The following NMT2 variants were observed in gnomAD, a reference collection of about 807,000 sequenced individuals.
NMT2 encodes N-myristoyltransferase 2, also known as glycylpeptide N-tetradecanoyltransferase 2.
NMT2 carries 35 observed loss-of-function variants against 65.4 expected under a neutral mutation model. The observed-to-expected ratio is 0.54, with a 90% CI of 0.41 to 0.71. NMT2 has a LOEUF of 0.71. Ranked by LOEUF, NMT2 falls within the 30% of genes least tolerant of loss-of-function variation. NMT2 has a pLI of 0.00. For synonymous variants in NMT2, 226 were observed against 231.8 expected, an observed-to-expected ratio of 0.98 and a Z score of 0.23; for missense variants, 489 against 611.3, an observed-to-expected ratio of 0.80 and a Z score of 2.11.
At chr10:15,118,094 T>C (rs1845802700) in intron 9 of NMT2, among the ~76,000 whole-genome samples, 1 of 152,206 alleles carries the variant, frequency 6.6e-6, no homozygotes, top group African/African-American at 2.4e-5. Flanking sequence ...GTGGGAGGAA[T>C]TACTCTACCT....
At chr10:15,136,045 C>T (rs1448073220) in intron 2 of NMT2, among the ~76,000 whole-genome samples, 2 of 151,924 alleles carry the variant, frequency 1.3e-5, no homozygotes, top group Admixed American at 6.6e-5. Flanking sequence ...CTGGCCAACA[C>T]GGTGAAACCT....
rs541388202 is a variant in NMT2, at chr10:15,147,069, G to A, written c.111-5512C>T. ...GTTTGCACCACTCCATTCCAGCTGGGCAACAGCGAAAGATCCTCTCGCTCT... is the reference window on the plus strand; with the variant it reads ...GTTTGCACCACTCCATTCCAGCTGGACAACAGCGAAAGATCCTCTCGCTCT... On this transcript the variant is annotated intron_variant, in intron 1 of 11. Coordinates refer to ENST00000378165, the MANE Select transcript of NMT2 (RefSeq NM_004808.3). Among the ~76,000 whole-genome samples the A allele has an allele frequency of 2.5e-5, 3 of 118,174 alleles. No homozygotes were observed. The East Asian group carries it at 8.1e-4, about 32-fold the overall frequency. 77.5% of individuals were successfully genotyped at this position (118,174 alleles called of 152,430 possible).
intron 1 of NMT2, among the ~76,000 whole-genome samples, chr10:15,153,691 C>T (rs1351000273): frequency 1.3e-5 from 2 of 151,994 alleles, no homozygotes; most frequent in Non-Finnish European, 2.9e-5. Flanking sequence ...CGTTCTGTCG[C>T]CCAGGCTGGA....
chr10:15,142,422 T>C (rs890191076), intron 1 of NMT2, among the ~76,000 whole-genome samples: 1 of 151,364 alleles, frequency 6.6e-6, no homozygotes, highest in African/African-American at 2.4e-5. Context: ...ATTAGCCAGG[T>C]ACAGTGGCAC....
In NMT2 at chr10:15,139,250, C is replaced by CTCTATCTATCTA. The variant is rs148766759; in HGVS notation, c.246+2160_246+2171dup. 3.6e-3 allele frequency among the ~76,000 whole-genome samples: 534 copies of CTCTATCTATCTA among 146,890 alleles called. 3 individuals carry two copies. Among genetic ancestry groups the CTCTATCTATCTA allele is most frequent in the Non-Finnish European group, 3.9e-3 (260 of 66,514 alleles). On this transcript the variant is annotated intron_variant, in intron 2 of 11. Transcript: ENST00000378165. ...GTGAATTAATACTTAATAAACTCCC[C>CTCTATCTATCTA]TCTATCTATCTATCTATCTATCTAT...
chr10:15,109,821 T>C lies in NMT2; in HGVS notation c.1357A>G (p.Asn453Asp). 2 of 1,608,272 alleles carry C rather than the reference T, an allele frequency of 1.2e-6. No homozygotes were observed. The highest frequency in any genetic ancestry group is 1.3e-5 in the African/African-American group (1 of 74,706). Residue 453 changes from asparagine (N) to aspartate (D), a missense_variant, in exon 11 of 12, where the codon AAT becomes GAT. Transcript: ENST00000378165. The part of the protein sequence containing the change: ...LAKSKGFDVF[N>D]ALDLMENKTF... ...TTATTTTCCATCAAATCCAGTGCAT[T>C]GAATACATCAAATCCTTTCTGCCAA... is the stretch of plus-strand genomic sequence containing the variant.
In NMT2 at chr10:15,168,575, C is replaced by G; in HGVS notation, c.38G>C (p.Ser13Thr). 1.3e-6 allele frequency: 2 copies of G among 1,589,524 alleles called. No homozygotes were observed. The highest frequency in any genetic ancestry group is 1.7e-6 in the Non-Finnish European group (2 of 1,171,436). Residue 13 changes from serine (S) to threonine (T), a missense_variant, in exon 1 of 12, where the codon AGC becomes ACC. By Grantham distance (58) the Ser-to-Thr change is moderately conservative. Coordinates refer to ENST00000378165, the MANE Select transcript of NMT2 (RefSeq NM_004808.3). ...EDSESAASQQ[S>T]LELDDQDTCG... ...CGTGTCCTGGTCGTCCAGTTCCAGG[C>G]TCTGCTGGCTGGCCGCAGACTCGCT...
At position 15,168,172 on chromosome 10, in the gene NMT2, C is replaced by A. The variant is rs544822406; in HGVS notation, c.110+331G>T. Among the ~76,000 whole-genome samples the A allele has an allele frequency of 4.6e-3, 696 of 152,270 alleles. 2 individuals are homozygous for A. The highest frequency in any genetic ancestry group is 7.3e-3 in the Non-Finnish European group (498 of 68,008). On this transcript the variant is annotated intron_variant, in intron 1 of 11. Transcript: ENST00000378165. ...CGCCTCTCCTCGGCGCCCACCGGAG[C>A]CACCCGCGGGCGAGGGCAACAGGCG... is the stretch of plus-strand genomic sequence containing the variant.
In NMT2 at chr10:15,109,858, TTTAAAA is replaced by T. The variant is rs780288040; in HGVS notation, c.1339-25_1339-20del. ...ATCCTTTCTGCCAATTTAAAAAAGATTTAAAATTTAAAACAAAGGACTAGTGTTTTC... is the reference window on the plus strand; with the variant it reads ...ATCCTTTCTGCCAATTTAAAAAAGATTTTAAAACAAAGGACTAGTGTTTTC... On this transcript the variant is annotated intron_variant, in intron 10 of 11. Coordinates refer to ENST00000378165, the MANE Select transcript of NMT2 (RefSeq NM_004808.3). 6.3e-7 allele frequency: 1 copy of T among 1,584,744 alleles called. No individual in the cohort carries two copies. Among genetic ancestry groups the T allele is most frequent in the Admixed American group, 1.8e-5 (1 of 54,672 alleles).
intron 10 of NMT2, among the ~76,000 whole-genome samples, chr10:15,111,189 G>T (rs1845500661): frequency 6.6e-6 from 1 of 152,054 alleles, no homozygotes; most frequent in Non-Finnish European, 1.5e-5. Flanking sequence ...TGAAGCTATT[G>T]CCCAGGGACC....
intron 1 of NMT2, among the ~76,000 whole-genome samples, chr10:15,158,734 C>T (rs1299075719): frequency 6.6e-6 from 1 of 152,146 alleles, no homozygotes; most frequent in Admixed American, 6.5e-5. Flanking sequence ...AGACTGATTA[C>T]TTAAAGAAAA....
chr10:15,167,432 G>T (rs1374023983), intron 1 of NMT2, among the ~76,000 whole-genome samples: 2 of 152,064 alleles, frequency 1.3e-5, no homozygotes, highest in African/African-American at 4.8e-5. Flanking sequence ...ATCTCTCTAC[G>T]AACTGAGTAA....
rs376515523 is a variant in NMT2 at position 15,119,355 on chromosome 10, C to A, written c.1158G>T (p.Thr386=). The A allele has an allele frequency of 4.3e-6, 7 of 1,614,020 alleles. No individual in the cohort carries two copies. Among genetic ancestry groups the A allele is most frequent in the African/African-American group, 1.3e-5 (1 of 74,938 alleles). Residue 386 remains threonine, a synonymous_variant, in exon 9 of 12, where the codon ACG becomes ACT. Transcript: ENST00000378165. ...WFLPREHIID[T]FVVESPNGKL... ...ACCTTGTCTTTACCTCCACTACAAA[C>A]GTGTCAATAATGTGCTCCCGGGGGA...
chr10:15,113,029 ACT>A (rs1315308941), intron 9 of NMT2, 66 bp from the exon 10 acceptor site: 9 of 1,470,056 alleles, frequency 6.1e-6, no homozygotes, highest in Admixed American at 1.8e-5. Context: ...ATTTCCACTA[ACT>A]CTGTTCTCTC....
rs1009691998 is a variant in NMT2, at chr10:15,112,896, G to A, written c.1238C>T (p.Pro413Leu). 3.7e-6 allele frequency: 6 copies of A among 1,614,032 alleles called. No individual in the cohort carries two copies. Among genetic ancestry groups the A allele is most frequent in the Non-Finnish European group, 5.1e-6 (6 of 1,180,016 alleles). The change falls in exon 10 of 12, where the codon CCT becomes CTT. Residue 413 changes from proline (P) to leucine (L), a missense_variant. Pro to Leu is a moderately conservative substitution (Grantham distance 98). Coordinates refer to ENST00000378165, the MANE Select transcript of NMT2 (RefSeq NM_004808.3). ...GGCGGCTTTGAGGCTCTTGTGAGCA[G>A]GGTGGTGCATCACCGTGGAGGGGAG... ...YTLPSTVMHHPAHKSLKAAYS... is the reference protein window; with the variant it reads ...YTLPSTVMHHLAHKSLKAAYS...
chr10:15,114,699 AAGTAAAATAT>A (rs1366399949), intron 9 of NMT2, among the ~76,000 whole-genome samples: 2 of 152,202 alleles, frequency 1.3e-5, no homozygotes, highest in African/African-American at 4.8e-5. Context: ...AGAAGATCCT[AAGTAAAATAT>A]TAGCAAACTA....
intron 9 of NMT2, 112 bp from the exon 10 acceptor site, chr10:15,113,075 A>C: frequency 1.8e-6 from 2 of 1,142,258 alleles, no homozygotes; most frequent in Non-Finnish European, 2.6e-6. Context: ...AGTAAGTCAC[A>C]CTTCTTTCTC....
rs1300154895 is a variant in NMT2, at chr10:15,107,443, C to T, written c.*1752G>A. ...TTCCTAGGCACTGGCCCAGTAAAAG[C>T]AGGGAAAAGTATCTACTTTTGTTTT... On this transcript the variant is annotated 3_prime_UTR_variant, in exon 12 of 12. Coordinates refer to ENST00000378165, the MANE Select transcript of NMT2 (RefSeq NM_004808.3). The T allele has an allele frequency of 1.5e-5, 15 of 985,262 alleles. No homozygotes were observed. The highest frequency in any genetic ancestry group is 1.7e-5 in the Non-Finnish European group (14 of 829,920). 61.0% of individuals were successfully genotyped at this position (985,262 alleles called of 1,614,324 possible). A position where few individuals can be genotyped will look rare whatever the true frequency, so the allele number is the denominator to read the frequency against.
At chr10:15,140,775 C>G (rs1846725563) in intron 2 of NMT2, among the ~76,000 whole-genome samples, 1 of 152,208 alleles carries the variant, frequency 6.6e-6, no homozygotes, top group Non-Finnish European at 1.5e-5. Flanking sequence ...GTTGGCTCCA[C>G]AGACAGGGAT....
Sources: allele counts gnomAD v4.1 joint callset (sites outside exome capture counted in the v4.1 genomes callset), GRCh38; gene constraint gnomAD v4.1.1; transcripts MANE v1.5; gene names NCBI Gene and HGNC (gene_info 2026-07-23, HGNC 2026-07-21).